Variants in NR5A2 observed in about 807,000 individuals in gnomAD.
NR5A2 encodes nuclear receptor subfamily 5 group A member 2.
NR5A2 carries 26 observed loss-of-function variants against 62.7 expected under a neutral mutation model. The observed-to-expected ratio is 0.41, with a 90% CI of 0.30 to 0.58. The LOEUF (loss-of-function observed/expected upper bound fraction) is 0.58. NR5A2 is among the 20% of genes least tolerant of loss of function. The probability of loss-of-function intolerance (pLI) is 0.22; values close to 1 mark genes in which losing one functional copy is unlikely to be tolerated. For synonymous variants in NR5A2, 246 were observed against 241.7 expected (o/e 1.02, Z -0.16); for missense variants, 541 against 669.1 (o/e 0.81, Z 2.11).
At chr1:200,102,837 T>A (rs1332340020) in intron 5 of NR5A2, among the ~76,000 whole-genome samples, 1 of 152,166 alleles carries the variant, frequency 6.6e-6, no homozygotes, top group Non-Finnish European at 1.5e-5. Context: ...ATAGGAATGA[T>A]AGTATGGGAT....
chr1:200,050,263 G>A (rs1418086546), intron 5 of NR5A2, among the ~76,000 whole-genome samples: 1 of 152,084 alleles, frequency 6.6e-6, no homozygotes, highest in Non-Finnish European at 1.5e-5. Flanking sequence ...TAATCAAACA[G>A]GTAAAGTATT....
chr1:200,058,187 G>A (rs61819903), intron 5 of NR5A2: 9,294 of 152,248 alleles, frequency 0.061, 316 homozygotes, highest in Non-Finnish European at 0.077. Flanking sequence ...CATTTTGGGA[G>A]CATGGATGTA....
At chr1:200,118,563 C>T (rs1049097559) in intron 6 of NR5A2, among the ~76,000 whole-genome samples, 5 of 152,108 alleles carry the variant, frequency 3.3e-5, no homozygotes, top group African/African-American at 4.8e-5. Context: ...AGCATTGGCT[C>T]GGGTCTCTTA....
rs186074585 is a variant in NR5A2, at chr1:200,127,455, T to C, written c.1378+6500T>C. Reference sequence around the variant, plus strand: ...ACTTTGGGAGGCCAAGGCGGGTGGATCACCTGAGGTCAAGAGTTTGAAACC... The same window carrying C: ...ACTTTGGGAGGCCAAGGCGGGTGGACCACCTGAGGTCAAGAGTTTGAAACC... On this transcript the variant is annotated intron_variant, in intron 7 of 7. Transcript: ENST00000367362. Among the ~76,000 whole-genome samples the C allele has an allele frequency of 5.2e-3, 796 of 151,754 alleles. 6 individuals carry two copies. Among genetic ancestry groups the C allele is most frequent in the Admixed American group, 7.5e-3 (115 of 15,232 alleles).
At chr1:200,099,748 C>A (rs933733265) in intron 5 of NR5A2, among the ~76,000 whole-genome samples, 7 of 152,264 alleles carry the variant, frequency 4.6e-5, no homozygotes, top group African/African-American at 1.7e-4. Context: ...CACGTGCCAC[C>A]ATGCCCGGCT....
intron 5 of NR5A2, among the ~76,000 whole-genome samples, chr1:200,079,730 G>C (rs1185105265): frequency 1.3e-5 from 2 of 152,180 alleles, no homozygotes; most frequent in Admixed American, 6.5e-5. Flanking sequence ...TTTAGGAATG[G>C]GACCGGTGCA....
At chr1:200,166,316 G>A (rs1225715438) in intron 7 of NR5A2, among the ~76,000 whole-genome samples, 1 of 152,156 alleles carries the variant, frequency 6.6e-6, no homozygotes, top group African/African-American at 2.4e-5. Context: ...GGCTTGTCCA[G>A]AGAAGTCCCC....
chr1:200,073,270 ATATATATATATATATATATATTCCCCTT>A (rs1461505030), intron 5 of NR5A2, among the ~76,000 whole-genome samples: 5 of 31,350 alleles, frequency 1.6e-4, no homozygotes, highest in African/African-American at 4.3e-4. Flanking sequence ...ATTCCCCTTT[ATATATATATATATATATATATTCCCCTT>A]TATATATATA....
At chr1:200,113,430 C>G (rs1454634589) in intron 6 of NR5A2, among the ~76,000 whole-genome samples, 1 of 152,202 alleles carries the variant, frequency 6.6e-6, no homozygotes, top group African/African-American at 2.4e-5. Flanking sequence ...TGCGGAATAT[C>G]TAGACAAAAC....
intron 1 of NR5A2, among the ~76,000 whole-genome samples, chr1:200,034,563 C>G (rs959565075): frequency 9.4e-5 from 13 of 138,190 alleles, no homozygotes; most frequent in African/African-American, 3.6e-4. Context: ...CCAAAAAGCC[C>G]TCCTTTCCTC....
At chr1:200,058,799 G>GT (rs1348940621) in intron 5 of NR5A2, among the ~76,000 whole-genome samples, 10,247 of 138,426 alleles carry the variant, frequency 0.074, 1,249 homozygotes, top group African/African-American at 0.25. Flanking sequence ...TTTTGTTTTT[G>GT]TTTTTTTTTT....
intron 7 of NR5A2, among the ~76,000 whole-genome samples, chr1:200,131,174 A>T (rs2102328551): frequency 6.6e-6 from 1 of 152,362 alleles, no homozygotes; most frequent in East Asian, 1.9e-4. Flanking sequence ...TGGCAGAAGC[A>T]AATAATGGCA....
intron 5 of NR5A2, among the ~76,000 whole-genome samples, chr1:200,096,316 G>C (rs1665095777): frequency 6.6e-6 from 1 of 152,038 alleles, no homozygotes; most frequent in Admixed American, 6.6e-5. Flanking sequence ...TTGAACTCCT[G>C]ACCTCAGGTG....
intron 7 of NR5A2, among the ~76,000 whole-genome samples, chr1:200,135,270 C>T (rs946034737): frequency 6.6e-6 from 1 of 152,170 alleles, no homozygotes; most frequent in Non-Finnish European, 1.5e-5. Flanking sequence ...CCTGTAATCC[C>T]AGCACTTTGG....
At chr1:200,093,736 T>A (rs1424669296) in intron 5 of NR5A2, among the ~76,000 whole-genome samples, 1 of 152,194 alleles carries the variant, frequency 6.6e-6, no homozygotes, top group African/African-American at 2.4e-5. Flanking sequence ...AGACTTCCTT[T>A]TCCTAGATTT....
At chr1:200,091,231 T>C (rs943212296) in intron 5 of NR5A2, among the ~76,000 whole-genome samples, 8 of 152,194 alleles carry the variant, frequency 5.3e-5, no homozygotes, top group Non-Finnish European at 7.3e-5. Flanking sequence ...AGAAGAGTGA[T>C]GCACTCTAAC....
At chr1:200,041,687 C>G (rs1662091718) in intron 2 of NR5A2, among the ~76,000 whole-genome samples, 1 of 152,144 alleles carries the variant, frequency 6.6e-6, no homozygotes, top group Non-Finnish European at 1.5e-5. Context: ...GAGTTCGCCT[C>G]CCCAAACGCC....
chr1:200,125,450 C>T (rs1666660142), intron 7 of NR5A2, among the ~76,000 whole-genome samples: 2 of 152,182 alleles, frequency 1.3e-5, no homozygotes, highest in African/African-American at 4.8e-5. Context: ...TGGAGACAAA[C>T]ACCCCAGGGA....
At chr1:200,135,575 A>G (rs1047274320) in intron 7 of NR5A2, among the ~76,000 whole-genome samples, 3 of 152,056 alleles carry the variant, frequency 2.0e-5, no homozygotes, top group Non-Finnish European at 4.4e-5. Context: ...GAGGAAAAAG[A>G]GAGGCGTTCA....
Sources: gnomAD v4.1 joint callset for allele counts (sites outside exome capture counted in the v4.1 genomes callset) on GRCh38, gnomAD v4.1.1 for gene constraint, MANE v1.5 for transcripts, NCBI Gene and HGNC (gene_info 2026-07-23, HGNC 2026-07-21) for gene names.